Variants in GSE1 observed in about 807,000 individuals in gnomAD.
The protein encoded by GSE1 is genetic suppressor element 1.
GSE1 carries 32 observed loss-of-function variants against 112.6 expected under a neutral mutation model. The ratio of observed to expected loss-of-function variants is 0.28; its 90% CI spans 0.21 to 0.38. The LOEUF is 0.38. GSE1 is among the 10% of genes least tolerant of loss of function. GSE1 has a pLI of 1.00. For missense variants in GSE1, 2,348 were observed against 1,699.2 expected (o/e 1.38, Z -6.71); for synonymous variants, 1,115 against 735.6 (o/e 1.52, Z -8.35).
In GSE1 at chr16:85,656,593, C is replaced by T. The variant is rs375968903; in HGVS notation, c.1240C>T (p.Leu414=). 3.2e-6 allele frequency: 5 copies of T among 1,546,536 alleles called. No individual in the cohort carries two copies. Among genetic ancestry groups the T allele is most frequent in the African/African-American group, 2.7e-5 (2 of 72,900 alleles). The change falls in exon 7 of 16, where the codon CTG becomes TTG. Residue 414 remains leucine, a synonymous_variant. Coordinates refer to ENST00000253458, the MANE Select transcript of GSE1 (RefSeq NM_014615.5). ...LEPSFLPVAE[L]HGLRGHATEE... is the part of the protein sequence containing the mutation. ...GCCCAGCTTCCTGCCCGTGGCCGAG[C>T]TGCATGGGCTGCGTGGCCATGCCAC...
intron 2 of GSE1, among the ~76,000 whole-genome samples, chr16:85,529,133 G>A (rs2052464706): frequency 6.6e-6 from 1 of 152,146 alleles, no homozygotes; most frequent in Non-Finnish European, 1.5e-5. Flanking sequence ...GTCGGACCGG[G>A]TTAGACTTGG....
At position 85,338,016 on chromosome 16, in the gene GSE1, A is replaced by T. The variant is rs184275544; in HGVS notation, c.2284-19447A>T. On this transcript the variant is annotated intron_variant, in intron 1 of 2. Coordinates refer to the GSE1 transcript ENST00000637419. ...TGGGAACACCCCTGGGCTCTCCCTC[A>T]CCTCTGGATCAAGAGAATGAACACA... Among the ~76,000 whole-genome samples, 54 of 152,160 alleles carry T rather than the reference A, an allele frequency of 3.5e-4. No homozygotes were observed. The East Asian group carries it at 9.9e-3, about 28-fold the overall frequency.
intron 1 of GSE1, among the ~76,000 whole-genome samples, chr16:85,302,961 C>T (rs1015933556): frequency 3.3e-5 from 5 of 152,232 alleles, no homozygotes; most frequent in African/African-American, 7.2e-5. Context: ...CCCGGAGCCT[C>T]GGCCTCCCCA....
chr16:85,338,445 C>A (rs1247614161), intron 1 of GSE1, among the ~76,000 whole-genome samples: 1 of 152,188 alleles, frequency 6.6e-6, no homozygotes, highest in Non-Finnish European at 1.5e-5. Context: ...AGCTGACTTA[C>A]CCCTCCCTGC....
chr16:85,330,124 C>T (rs2046307905), intron 1 of GSE1, among the ~76,000 whole-genome samples: 1 of 152,214 alleles, frequency 6.6e-6, no homozygotes. Context: ...TAAATGCCTG[C>T]TGTGCTGGGC....
chr16:85,648,689 C>A lies in GSE1; in HGVS notation c.364C>A (p.Pro122Thr), dbSNP rs1163065792. ...GGGCCACAGCGTGCCCAGCACCCCCCCCGTGGTGACCATCGCTCCAACCAA... is the reference window on the plus strand; with the variant it reads ...GGGCCACAGCGTGCCCAGCACCCCCACCGTGGTGACCATCGCTCCAACCAA... ...PGGHSVPSTPPVVTIAPTKTV... is the reference protein window; with the variant it reads ...PGGHSVPSTPTVVTIAPTKTV... Residue 122 changes from proline to threonine, a missense_variant, in exon 3 of 16, where the codon CCC (proline) becomes ACC (threonine). Pro to Thr is a conservative substitution (Grantham distance 38). Transcript: ENST00000253458. 2.5e-6 allele frequency: 4 copies of A among 1,608,736 alleles called. No homozygotes were observed. Among genetic ancestry groups the A allele is most frequent in the East Asian group, 2.2e-5 (1 of 44,566 alleles).
At chr16:85,517,582 GC>G (rs1308679870) in intron 2 of GSE1, among the ~76,000 whole-genome samples, 1 of 146,550 alleles carries the variant, frequency 6.8e-6, no homozygotes, top group African/African-American at 2.7e-5. Context: ...CCACCAACCG[GC>G]CCCTGAATCC....
chr16:85,401,829 G>A (rs1181064373), intron 2 of GSE1, among the ~76,000 whole-genome samples: 1 of 152,216 alleles, frequency 6.6e-6, no homozygotes, highest in African/African-American at 2.4e-5. Context: ...CACCATTCCT[G>A]ACGGGAATGT....
chr16:85,608,291 C>T (rs546787193), upstream of GSE1, among the ~76,000 whole-genome samples: 15 of 152,242 alleles, frequency 9.9e-5, no homozygotes, highest in South Asian at 6.2e-4. Flanking sequence ...CTCAGCTCTT[C>T]GTGCCCCCCG....
At position 85,633,819 on chromosome 16, in the gene GSE1, G is replaced by T. The variant is rs1030642537; in HGVS notation, c.8-95G>T. ...GCCCCCGGGGCTGCCCCTGCTCCCT[G>T]CCTGCTGCTGCTGACACCGGCCCTG... On this transcript the variant is annotated intron_variant, in intron 1 of 15. Transcript: ENST00000253458. 6 of 921,762 alleles carry T rather than the reference G, an allele frequency of 6.5e-6. No homozygotes were observed. The East Asian group carries it at 1.3e-4, about 19-fold the overall frequency. 57.1% of individuals were successfully genotyped at this position (921,762 alleles called of 1,614,324 possible). A position where few individuals can be genotyped will look rare whatever the true frequency, so the allele number is the denominator to read the frequency against.
At chr16:85,607,028 A>G (rs1415740377), upstream of GSE1, among the ~76,000 whole-genome samples, 1 of 127,800 alleles carries the variant, frequency 7.8e-6, no homozygotes, top group Non-Finnish European at 1.6e-5. Flanking sequence ...TTACTGTCCA[A>G]TTAGCTTCCC....
At chr16:85,646,384 C>T (rs1175268302) in intron 2 of GSE1, among the ~76,000 whole-genome samples, 1 of 152,268 alleles carries the variant, frequency 6.6e-6, no homozygotes, top group African/African-American at 2.4e-5. Flanking sequence ...CAAGTGCAAG[C>T]TTGCACAGCT....
At chr16:85,591,216 T>C (rs1173215028) in intron 1 of GSE1, among the ~76,000 whole-genome samples, 1 of 152,048 alleles carries the variant, frequency 6.6e-6, no homozygotes, top group Non-Finnish European at 1.5e-5. Context: ...GACCCTGGGG[T>C]TGAGGTGTAG....
At chr16:85,467,499 A>G (rs1039483034) in intron 2 of GSE1, among the ~76,000 whole-genome samples, 2 of 152,178 alleles carry the variant, frequency 1.3e-5, no homozygotes, top group Non-Finnish European at 2.9e-5. Context: ...GTTGGGGAGC[A>G]TCTTGCCGAT....
chr16:85,478,895 C>A (rs1401146061), intron 2 of GSE1, among the ~76,000 whole-genome samples: 2 of 76,338 alleles, frequency 2.6e-5, no homozygotes, highest in African/African-American at 1.5e-4. Flanking sequence ...TTCTTTCTTT[C>A]TTTCTTTCTT....
chr16:85,447,411 G>T (rs914485944), intron 2 of GSE1, among the ~76,000 whole-genome samples: 9 of 152,314 alleles, frequency 5.9e-5, no homozygotes, highest in Middle Eastern at 3.4e-3. Context: ...TTGGGCAGAT[G>T]ACCTCTCTGG....
chr16:85,331,361 G>GTATATATATGTATATA (rs1299782485), intron 1 of GSE1, among the ~76,000 whole-genome samples: 1 of 67,014 alleles, frequency 1.5e-5, no homozygotes, highest in African/African-American at 5.2e-5. Flanking sequence ...GTGTGTGTGT[G>GTATATATATGTATATA]TGTGTATATA....
chr16:85,577,667 G>T (rs971931856), intron 1 of GSE1, among the ~76,000 whole-genome samples: 1 of 152,128 alleles, frequency 6.6e-6, no homozygotes, highest in Non-Finnish European at 1.5e-5. Context: ...GGGTCACCCG[G>T]CAGGTCCTGA....
intron 2 of GSE1, among the ~76,000 whole-genome samples, chr16:85,469,444 T>G (rs934683511): frequency 1.3e-5 from 2 of 152,084 alleles, no homozygotes; most frequent in Middle Eastern, 6.3e-3. Context: ...CTGAAGAGCT[T>G]CTTGTGGGAG....
Sources: gnomAD v4.1 joint callset for allele counts (sites outside exome capture counted in the v4.1 genomes callset) on GRCh38, gnomAD v4.1.1 for gene constraint, MANE v1.5 for transcripts, NCBI Gene and HGNC (gene_info 2026-07-23, HGNC 2026-07-21) for gene names.